GKN2: variants seen among roughly 807,000 people sequenced by gnomAD.
GKN2 encodes gastrokine 2.
In GKN2, 17 loss-of-function variants were observed where a neutral mutation model predicts 22.7. That is an observed-to-expected ratio of 0.75 (90% CI 0.51 to 1.13). The LOEUF is 1.13. GKN2 is among the 50% of genes most tolerant of loss of function. GKN2 has a pLI of 0.00. For missense variants in GKN2, 248 were observed against 221.4 expected, an observed-to-expected ratio of 1.12 and a Z score of -0.76; for synonymous variants, 82 against 79.6, an observed-to-expected ratio of 1.03 and a Z score of -0.16.
chr2:68,946,460 C>A lies in GKN2; in HGVS notation c.316G>T (p.Ala106Ser). The A allele has an allele frequency of 6.3e-7, 1 of 1,593,466 alleles. No individual in the cohort carries two copies. Among genetic ancestry groups the A allele is most frequent in the Non-Finnish European group, 8.5e-7 (1 of 1,172,852 alleles). ...NLQWYIYEKQALDNMFSSKYT... is the reference protein window; with the variant it reads ...NLQWYIYEKQSLDNMFSSKYT... ...TTGCTGGAGAACATGTTGTCCAGAG[C>A]CTAGATCGGTATAACAGAAAAGAAC... Residue 106 changes from alanine to serine, a missense_variant and splice_region_variant, in exon 5 of 6, where the codon GCT becomes TCT. Physicochemically the swap from Ala to Ser is moderately conservative, Grantham distance 99. Transcript: ENST00000328895.
intron 3 of GKN2, among the ~76,000 whole-genome samples, chr2:68,948,011 C>G (rs547824136): frequency 1.6e-4 from 24 of 151,882 alleles, no homozygotes; most frequent in African/African-American, 5.8e-4. Flanking sequence ...TTTGGGAGGC[C>G]GAGAAGGGCA....
At chr2:68,950,863 T>A in intron 1 of GKN2, 108 bp from the exon 2 acceptor site, 1 of 1,096,148 alleles carries the variant, frequency 9.1e-7, no homozygotes, top group Non-Finnish European at 1.4e-6. Context: ...AATGTACACC[T>A]AGAGACACTG....
At chr2:68,952,671 A>C (rs186675240) in intron 1 of GKN2, among the ~76,000 whole-genome samples, 179 bp downstream of exon 1, 6 of 152,280 alleles carry the variant, frequency 3.9e-5, no homozygotes, top group African/African-American at 1.4e-4. Flanking sequence ...GGAAAAGGAC[A>C]AAAAAAGTCA....
chr2:68,950,688 A>C lies in GKN2; in HGVS notation c.66+14T>G. On this transcript the variant is annotated intron_variant, in intron 2 of 5. Coordinates refer to ENST00000328895, the MANE Select transcript of GKN2 (RefSeq NM_182536.3). ...ACATCTCTAAGAGATAAAGTCCATA[A>C]GGAACCAACTCACCTCGTATCCATG... 6.2e-7 allele frequency: 1 copy of C among 1,612,626 alleles called. No homozygotes were observed. The highest frequency in any genetic ancestry group is 8.5e-7 in the Non-Finnish European group (1 of 1,178,618).
intron 5 of GKN2, 90 bp downstream of exon 5, chr2:68,946,214 A>G: frequency 9.1e-7 from 1 of 1,103,406 alleles, no homozygotes; most frequent in Non-Finnish European, 1.3e-6. Flanking sequence ...GTTCCCATTT[A>G]TTTGCATTTC....
rs138640917 is a variant in GKN2, at chr2:68,952,675, A to G, written c.12+175T>C. Among the ~76,000 whole-genome samples, 131 of 152,316 alleles carry G rather than the reference A, an allele frequency of 8.6e-4. 1 individual carries two copies. The highest frequency in any genetic ancestry group is 2.5e-3 in the African/African-American group (102 of 41,568). On this transcript the variant is annotated intron_variant, in intron 1 of 5. Coordinates refer to ENST00000328895, the MANE Select transcript of GKN2 (RefSeq NM_182536.3). ...ATCTCAAAACAGGAAAAGGACAAAAAAAGTCAGACTTATTCAACACTATTT... is the reference window on the plus strand; with the variant it reads ...ATCTCAAAACAGGAAAAGGACAAAAGAAGTCAGACTTATTCAACACTATTT...
At chr2:68,945,836 A>G (rs1669758120) in intron 5 of GKN2, 1 of 220,560 alleles carries the variant, frequency 4.5e-6, no homozygotes, top group Non-Finnish European at 8.9e-6. Flanking sequence ...TGTTACCCAG[A>G]TGAATCAGGG....
intron 2 of GKN2, 80 bp downstream of exon 2, chr2:68,950,622 A>T: frequency 7.9e-7 from 1 of 1,260,176 alleles, no homozygotes; most frequent in Non-Finnish European, 1.2e-6. Context: ...TGGCCTCTCT[A>T]CTGTCTTCAG....
At position 68,947,152 on chromosome 2, in the gene GKN2, T is replaced by G. The variant is rs543196795; in HGVS notation, c.310A>C (p.Lys104Gln). 5 of 1,597,710 alleles carry G rather than the reference T, an allele frequency of 3.1e-6. No individual in the cohort carries two copies. In the East Asian group the frequency reaches 1.1e-4, roughly 36 times the overall value. Residue 104 changes from lysine (K) to glutamine (Q), a missense_variant, in exon 4 of 6, where the codon AAA becomes CAA. Transcript: ENST00000328895. ...LNNLQWYIYE[K>Q]QALDNMFSSK... ...CAAGAGTGCCCCAGAATTACCTGTT[T>G]CTCATAGATGTACCATTGGAGATTG...
chr2:68,948,106 C>T (rs549300392), intron 3 of GKN2, among the ~76,000 whole-genome samples: 22 of 151,562 alleles, frequency 1.5e-4, no homozygotes, highest in African/African-American at 4.4e-4. Flanking sequence ...TTTAGCCGGG[C>T]GTGGTGGCGG....
At chr2:68,951,543 C>G (rs1320634632) in intron 1 of GKN2, among the ~76,000 whole-genome samples, 2 of 152,206 alleles carry the variant, frequency 1.3e-5, no homozygotes, top group Non-Finnish European at 2.9e-5. Flanking sequence ...CATTTGAAAA[C>G]TGCTGATGAA....
rs780167515 is a variant in GKN2 at position 68,950,237 on chromosome 2, G to C, written c.93C>G (p.Asn31Lys). Residue 31 changes from asparagine (N) to lysine (K), a missense_variant, in exon 3 of 6, where the codon AAC becomes AAG. Asn to Lys is a moderately conservative substitution (Grantham distance 94, BLOSUM62 0). Transcript: ENST00000328895. ...YEVFNIISPS[N>K]NGGNVQETVT... is the part of the protein sequence containing the mutation. ...CTGTCTCCTGAACATTGCCACCATT[G>C]TTGCTTGGGCTGATGATGTTAAAAA... is the stretch of plus-strand genomic sequence containing the variant. The C allele has an allele frequency of 6.2e-7, 1 of 1,613,298 alleles. No homozygotes were observed. Among genetic ancestry groups the C allele is most frequent in the South Asian group, 1.1e-5 (1 of 90,892 alleles).
Position 68,946,443 on chromosome 2 carries a change from G to A in GKN2, c.333C>T (p.Phe111=), listed in dbSNP as rs748915512. Residue 111 remains phenylalanine (F), a synonymous_variant, in exon 5 of 6, where the codon TTC becomes TTT. Transcript: ENST00000328895. The part of the protein sequence containing the change: ...IYEKQALDNM[F]SSKYTWVKYN... The stretch of plus-strand genomic sequence containing the variant: ...ACTTGACCCAGGTGTATTTGCTGGA[G>A]AACATGTTGTCCAGAGCCTAGATCG... 5 of 1,609,106 alleles carry A rather than the reference G, an allele frequency of 3.1e-6. No homozygotes were observed. In the South Asian group the frequency reaches 5.6e-5, roughly 18 times the overall value.
chr2:68,950,660 C>G, intron 2 of GKN2, 42 bp downstream of exon 2: 1 of 1,575,368 alleles, frequency 6.3e-7, no homozygotes. Context: ...CTTTCCTCTC[C>G]CAACATCTCT....
chr2:68,945,409 C>G lies in GKN2; in HGVS notation c.514G>C (p.Gly172Arg). 1.2e-6 allele frequency: 2 copies of G among 1,611,484 alleles called. No individual in the cohort carries two copies. The highest frequency in any genetic ancestry group is 1.7e-6 in the Non-Finnish European group (2 of 1,178,324). Residue 172 changes from glycine to arginine, a missense_variant, in exon 6 of 6, where the codon GGC (glycine) becomes CGC (arginine). Transcript: ENST00000328895. The part of the protein sequence containing the change: ...AGGCAKAGLL[G>R]ILGISICADI... ...GCACAGATTGAAATTCCCAAGATGC[C>G]CAGGAGCCCAGCCTTTGCACAGCCT...
chr2:68,946,217 T>G, intron 5 of GKN2, 87 bp downstream of exon 5: 1 of 1,141,248 alleles, frequency 8.8e-7, no homozygotes, highest in Non-Finnish European at 1.2e-6. Flanking sequence ...CCCATTTATT[T>G]GCATTTCACT....
rs748878985 is a variant in GKN2 at position 68,950,757 on chromosome 2, T to A, written c.13-2A>T. The A allele has an allele frequency of 6.2e-7, 1 of 1,613,972 alleles. No homozygotes were observed. The highest frequency in any genetic ancestry group is 1.1e-5 in the South Asian group (1 of 91,074). ...GGTCAGCACCACCAGAAATGCCACC[T>A]GAAAAACAGACCCACCACATCCATT... On this transcript the variant is annotated splice_acceptor_variant, in intron 1 of 5. Coordinates refer to ENST00000328895, the MANE Select transcript of GKN2 (RefSeq NM_182536.3). LOFTEE classifies it high-confidence loss of function.
rs1023485657 is a variant in GKN2 at position 68,945,233 on chromosome 2, C to T, written c.*135G>A. ...CAAAAAACAACAAACACCAAAAAAT[C>T]TATAAATACAGCATTTATATTTTCT... On this transcript the variant is annotated 3_prime_UTR_variant, in exon 6 of 6. Coordinates refer to ENST00000328895, the MANE Select transcript of GKN2 (RefSeq NM_182536.3). 1.5e-6 allele frequency: 1 copy of T among 659,596 alleles called. No individual in the cohort carries two copies. Among genetic ancestry groups the T allele is most frequent in the Non-Finnish European group, 2.6e-6 (1 of 388,630 alleles). 40.9% of individuals were successfully genotyped at this position (659,596 alleles called of 1,614,324 possible). A position where few individuals can be genotyped will look rare whatever the true frequency, so the allele number is the denominator to read the frequency against.
Position 68,950,188 on chromosome 2 carries a change from T to C in GKN2, c.142A>G (p.Thr48Ala), listed in dbSNP as rs79650871. 1 of 1,614,046 alleles carries C rather than the reference T, an allele frequency of 6.2e-7. No homozygotes were observed. Among genetic ancestry groups the C allele is most frequent in the Non-Finnish European group, 8.5e-7 (1 of 1,179,880 alleles). The change falls in exon 3 of 6, where the codon ACC (threonine) becomes GCC (alanine). Residue 48 changes from threonine to alanine, a missense_variant. Thr to Ala is a moderately conservative substitution (Grantham distance 58). Transcript: ENST00000328895. ...CCTGCATGGATGTTAATGATGGCGG[T>C]ATTTTTTTCATTATCAATTGTCACT... is the stretch of plus-strand genomic sequence containing the variant. The part of the protein sequence containing the change: ...ETVTIDNEKN[T>A]AIINIHAGSC...
Sources: allele counts gnomAD v4.1 joint callset (sites outside exome capture counted in the v4.1 genomes callset), GRCh38; gene constraint gnomAD v4.1.1; transcripts MANE v1.5; gene names NCBI Gene and HGNC (gene_info 2026-07-23, HGNC 2026-07-21).